The following SLC38A4 variants were observed in gnomAD, a reference collection of about 807,000 sequenced individuals.
SLC38A4 encodes the protein sodium-coupled neutral amino acid transporter 4.
Under a neutral mutation model 63.1 loss-of-function variants are expected in SLC38A4, and 20 were observed. That is an observed-to-expected ratio of 0.32 (90% CI 0.22 to 0.46). The LOEUF is 0.46. SLC38A4 is among the 20% of genes least tolerant of loss of function. The pLI, the probability that SLC38A4 is intolerant of heterozygous loss-of-function variation, is 1.00. For missense variants in SLC38A4, 526 were observed against 663.6 expected (o/e 0.79, Z 2.28); for synonymous variants, 230 against 225.5 (o/e 1.02, Z -0.18).
chr12:46,805,607 A>C (rs1022778292), intron 1 of SLC38A4, among the ~76,000 whole-genome samples: 2 of 152,072 alleles, frequency 1.3e-5, no homozygotes, highest in Non-Finnish European at 2.9e-5. Flanking sequence ...CCACAATGTA[A>C]TCTCATGCGC....
intron 7 of SLC38A4, among the ~76,000 whole-genome samples, chr12:46,783,789 T>G (rs1166958599): frequency 1.3e-5 from 2 of 151,678 alleles, no homozygotes; most frequent in South Asian, 2.1e-4. Flanking sequence ...AGGGAGTAAG[T>G]GTCATTATGT....
At chr12:46,822,238 T>C (rs766032124) in intron 1 of SLC38A4, among the ~76,000 whole-genome samples, 1 of 152,116 alleles carries the variant, frequency 6.6e-6, no homozygotes, top group African/African-American at 2.4e-5. Context: ...AGGGTAATTA[T>C]TTAAGATACA....
intron 2 of SLC38A4, among the ~76,000 whole-genome samples, chr12:46,798,512 T>C (rs899698722): frequency 6.6e-6 from 1 of 152,152 alleles, no homozygotes; most frequent in African/African-American, 2.4e-5. Flanking sequence ...TCCAACTTAG[T>C]CTGGGGGATC....
chr12:46,800,993 AT>A (rs1939121783), intron 2 of SLC38A4, among the ~76,000 whole-genome samples: 1 of 152,114 alleles, frequency 6.6e-6, no homozygotes, highest in Non-Finnish European at 1.5e-5. Flanking sequence ...GTTCAACAGA[AT>A]TTTCTATAGT....
At chr12:46,824,707 C>T (rs1292811184) in intron 1 of SLC38A4, among the ~76,000 whole-genome samples, 5 of 152,052 alleles carry the variant, frequency 3.3e-5, no homozygotes, top group Non-Finnish European at 7.3e-5. Context: ...AGTTTCAGAA[C>T]GATGAAAATA....
chr12:46,787,408 G>C (rs187673116), intron 5 of SLC38A4, among the ~76,000 whole-genome samples: 1 of 152,250 alleles, frequency 6.6e-6, no homozygotes, highest in East Asian at 1.9e-4. Context: ...AGACTGAACT[G>C]ACATATGAGG....
chr12:46,818,126 T>C (rs1939476437), intron 1 of SLC38A4, among the ~76,000 whole-genome samples: 1 of 151,874 alleles, frequency 6.6e-6, no homozygotes, highest in African/African-American at 2.4e-5. Context: ...AGGGAGAACA[T>C]GTAAGTGTGA....
At chr12:46,774,838 T>C (rs570324385) in intron 14 of SLC38A4, among the ~76,000 whole-genome samples, 4 of 152,176 alleles carry the variant, frequency 2.6e-5, no homozygotes, top group Admixed American at 2.0e-4. Flanking sequence ...ATGATTTTTT[T>C]CCTACACTAT....
At chr12:46,782,770 G>A (rs972411301) in intron 7 of SLC38A4, among the ~76,000 whole-genome samples, 2 of 150,922 alleles carry the variant, frequency 1.3e-5, no homozygotes, top group Admixed American at 6.6e-5. Flanking sequence ...GCCTTTGTAA[G>A]GTAATTTTTA....
intron 13 of SLC38A4, 64 bp downstream of exon 13, chr12:46,776,840 A>G: frequency 1.4e-6 from 2 of 1,402,616 alleles, no homozygotes; most frequent in South Asian, 1.2e-5. Context: ...AATCATACCT[A>G]CCCAGGTCAA....
chr12:46,780,750 C>A (rs576163256), intron 7 of SLC38A4, among the ~76,000 whole-genome samples: 3 of 152,016 alleles, frequency 2.0e-5, no homozygotes, highest in African/African-American at 4.8e-5. Context: ...AATCTACAAG[C>A]CTTCTCCCTG....
Position 46,793,105 on chromosome 12 carries a change from G to T in SLC38A4, c.-34C>A. ...TCAGCGCTTTCTTGTCCACACACAA[G>T]CCCCTTCAGTGTAAATAATATACTG... On this transcript the variant is annotated 5_prime_UTR_variant, in exon 3 of 17. Coordinates refer to ENST00000266579, the MANE Select transcript of SLC38A4 (RefSeq NM_018018.5). 1 of 1,477,536 alleles carries T rather than the reference G, an allele frequency of 6.8e-7. No individual in the cohort carries two copies. The allele number at this position is 1,477,536 out of a possible 1,614,324, so 91.5% of individuals were successfully genotyped here.
intron 1 of SLC38A4, among the ~76,000 whole-genome samples, chr12:46,824,966 G>A (rs965909825): frequency 1.3e-5 from 2 of 152,210 alleles, no homozygotes; most frequent in African/African-American, 4.8e-5. Context: ...ACCACTGGAG[G>A]AAACCAGGTG....
At chr12:46,777,541 C>G (rs1938554617) in intron 12 of SLC38A4, among the ~76,000 whole-genome samples, 1 of 151,970 alleles carries the variant, frequency 6.6e-6, no homozygotes, top group South Asian at 2.1e-4. Context: ...TGAAAGTGTT[C>G]TGAAATTTTT....
intron 16 of SLC38A4, 149 bp downstream of exon 16, chr12:46,768,161 C>A: frequency 1.8e-6 from 1 of 544,266 alleles, no homozygotes; most frequent in South Asian, 2.2e-5. Context: ...AAATATGTCC[C>A]CTTTCTCTGC....
chr12:46,800,314 C>T (rs1328695757), intron 2 of SLC38A4, among the ~76,000 whole-genome samples: 1 of 152,124 alleles, frequency 6.6e-6, no homozygotes, highest in Non-Finnish European at 1.5e-5. Flanking sequence ...ATTTTGTCAT[C>T]ACTTTTAGAC....
chr12:46,784,690 T>C (rs1050981831), intron 6 of SLC38A4, 56 bp from the exon 7 acceptor site: 2 of 1,381,924 alleles, frequency 1.4e-6, no homozygotes, highest in African/African-American at 2.9e-5. Context: ...GACTAAAATA[T>C]TTTTGTCATA....
chr12:46,778,868 G>C, intron 10 of SLC38A4, 92 bp from the exon 11 acceptor site: 1 of 1,184,610 alleles, frequency 8.4e-7, no homozygotes, highest in Non-Finnish European at 1.2e-6. Context: ...TAGGGTGGGG[G>C]GTGAGGGAAC....
chr12:46,790,794 A>C (rs1938868973), intron 3 of SLC38A4, among the ~76,000 whole-genome samples: 1 of 152,146 alleles, frequency 6.6e-6, no homozygotes, highest in Admixed American at 6.6e-5. Flanking sequence ...TTGATACCAA[A>C]CCCAGCATGT....
Sources: allele counts gnomAD v4.1 joint callset (sites outside exome capture counted in the v4.1 genomes callset), GRCh38; gene constraint gnomAD v4.1.1; transcripts MANE v1.5; gene names NCBI Gene and HGNC (gene_info 2026-07-23, HGNC 2026-07-21).